The following GNPDA2 variants were observed in gnomAD, a reference collection of about 807,000 sequenced individuals.
GNPDA2 encodes glucosamine-6-phosphate deaminase 2, also known as glcN6P deaminase 2.
GNPDA2 carries 24 observed loss-of-function variants against 27.0 expected under a neutral mutation model. That is an observed-to-expected ratio of 0.89 (90% CI 0.64 to 1.25). The LOEUF (loss-of-function observed/expected upper bound fraction) is 1.25, where lower values mean the gene tolerates loss of function less well. Among genes scored for constraint, GNPDA2 ranks in the 50% most tolerant of loss-of-function variants. GNPDA2 has a pLI of 0.00. For missense variants in GNPDA2, 286 were observed against 335.1 expected (o/e 0.85, Z 1.14); for synonymous variants, 94 against 108.4 (o/e 0.87, Z 0.83).
intron 2 of GNPDA2, among the ~76,000 whole-genome samples, chr4:44,719,521 A>C (rs1295259192): frequency 1.3e-5 from 2 of 152,104 alleles, no homozygotes; most frequent in Non-Finnish European, 2.9e-5. Flanking sequence ...TTCAATTACA[A>C]TTATTAATTT....
intron 4 of GNPDA2, among the ~76,000 whole-genome samples, chr4:44,712,033 C>A (rs1219148241): frequency 6.6e-6 from 1 of 151,762 alleles, no homozygotes; most frequent in Non-Finnish European, 1.5e-5. Context: ...TTTAAAGAGA[C>A]CTAGTGCCAA....
At chr4:44,715,941 C>T (rs926732216) in intron 4 of GNPDA2, among the ~76,000 whole-genome samples, 7 of 151,806 alleles carry the variant, frequency 4.6e-5, no homozygotes, top group South Asian at 2.1e-4. Context: ...CAATTATTTC[C>T]GCATTTACAG....
At chr4:44,711,543 C>T (rs1716980850) in intron 4 of GNPDA2, among the ~76,000 whole-genome samples, 1 of 152,040 alleles carries the variant, frequency 6.6e-6, no homozygotes, top group South Asian at 2.1e-4. Flanking sequence ...AAATAAGTGA[C>T]TTGTTCAATG....
chr4:44,714,011 GC>G (rs1475815221), intron 4 of GNPDA2, among the ~76,000 whole-genome samples: 1 of 151,980 alleles, frequency 6.6e-6, no homozygotes, highest in African/African-American at 2.4e-5. Context: ...CACTCTTGTT[GC>G]CCAGGCTGGA....
At chr4:44,722,317 AAAT>A (rs1176661539) in intron 1 of GNPDA2, 75 bp from the exon 2 acceptor site, 1 of 1,111,812 alleles carries the variant, frequency 9.0e-7, no homozygotes, top group South Asian at 1.7e-5. Context: ...TAAAAGATGT[AAAT>A]AATAAATAGA....
intron 4 of GNPDA2, chr4:44,714,434 T>A (rs1015958271): frequency 2.0e-6 from 2 of 985,304 alleles, no homozygotes; most frequent in Middle Eastern, 5.2e-4. Context: ...CTTTCCCTCT[T>A]CCCTCAGAGG....
At chr4:44,716,775 A>G (rs1162713498) in intron 4 of GNPDA2, among the ~76,000 whole-genome samples, 1 of 151,908 alleles carries the variant, frequency 6.6e-6, no homozygotes, top group East Asian at 1.9e-4. Flanking sequence ...AATAGTAAAA[A>G]GAAGCTATCA....
At chr4:44,710,802 G>C (rs936351017) in intron 5 of GNPDA2, 151 bp downstream of exon 5, 11 of 571,796 alleles carry the variant, frequency 1.9e-5, no homozygotes, top group Admixed American at 3.8e-5. Flanking sequence ...ATGTCAATGA[G>C]ACTGACAAAA....
Position 44,703,708 on chromosome 4 carries a change from AG to A in GNPDA2, c.770-567del, listed in dbSNP as rs1716414899. ...TGTATTAAATCATTTAATTCAGAATAGAAATTACGATTTTAAATCCGGTAGA... is the reference window on the plus strand; with the variant it reads ...TGTATTAAATCATTTAATTCAGAATAAAATTACGATTTTAAATCCGGTAGA... On this transcript the variant is annotated intron_variant, in intron 6 of 6. Coordinates refer to ENST00000295448, the MANE Select transcript of GNPDA2 (RefSeq NM_138335.3). 3.1e-6 allele frequency: 3 copies of A among 982,932 alleles called. No homozygotes were observed. The Admixed American group carries it at 1.8e-4, about 61-fold the overall frequency. 60.9% of individuals were successfully genotyped at this position (982,932 alleles called of 1,614,324 possible). A position where few individuals can be genotyped will look rare whatever the true frequency, so the allele number is the denominator to read the frequency against.
rs995490070 is a variant in GNPDA2 at position 44,703,751 on chromosome 4, G to T, written c.770-609C>A. 3.0e-6 allele frequency: 3 copies of T among 984,334 alleles called. No homozygotes were observed. The African/African-American group carries it at 5.2e-5, about 17-fold the overall frequency. The allele number at this position is 984,334 out of a possible 1,614,324, so 61.0% of individuals were successfully genotyped here. A position where few individuals can be genotyped will look rare whatever the true frequency, so the allele number is the denominator to read the frequency against. On this transcript the variant is annotated intron_variant, in intron 6 of 6. Coordinates refer to ENST00000295448, the MANE Select transcript of GNPDA2 (RefSeq NM_138335.3). The stretch of plus-strand genomic sequence containing the variant: ...TCCGGTAGATTATAACTTTCATTTT[G>T]TAATTGGTACATATACTTGCAGACT...
At chr4:44,719,236 C>T (rs1717518667) in intron 2 of GNPDA2, among the ~76,000 whole-genome samples, 1 of 151,820 alleles carries the variant, frequency 6.6e-6, no homozygotes, top group African/African-American at 2.4e-5. Flanking sequence ...GTTATCTGGC[C>T]GTCCCAATCC....
chr4:44,723,811 G>T (rs891615598), intron 1 of GNPDA2, among the ~76,000 whole-genome samples: 17 of 152,114 alleles, frequency 1.1e-4, no homozygotes, highest in Non-Finnish European at 1.6e-4. Context: ...TGGGGTGGGA[G>T]TGGGCCCAAG....
At position 44,717,792 on chromosome 4, in the gene GNPDA2, A is replaced by G. The variant is rs375961552; in HGVS notation, c.227-497T>C. ...CACTTCTTTGGCTATCATTTATGCT[A>G]CCATTAAATACACATTTCTATATTT... On this transcript the variant is annotated intron_variant, in intron 3 of 6. Transcript: ENST00000295448. Among the ~76,000 whole-genome samples, 23 of 151,988 alleles carry G rather than the reference A, an allele frequency of 1.5e-4. No homozygotes were observed. The South Asian group carries it at 4.6e-3, about 30-fold the overall frequency.
chr4:44,710,621 T>C (rs1358156832), intron 5 of GNPDA2, among the ~76,000 whole-genome samples: 1 of 152,194 alleles, frequency 6.6e-6, no homozygotes, highest in Non-Finnish European at 1.5e-5. Context: ...CATTGCATCA[T>C]TGTCCCAACA....
intron 2 of GNPDA2, among the ~76,000 whole-genome samples, chr4:44,720,688 G>A (rs542162112): frequency 2.0e-5 from 3 of 152,246 alleles, no homozygotes; most frequent in African/African-American, 7.2e-5. Context: ...AGCAGTGGGG[G>A]AAGAGGACAT....
chr4:44,710,015 CATAAAAACTGT>C (rs1185055389), intron 5 of GNPDA2, among the ~76,000 whole-genome samples: 23 of 152,158 alleles, frequency 1.5e-4, no homozygotes, highest in African/African-American at 5.5e-4. Context: ...TAAAAATCAG[CATAAAAACTGT>C]ATTAAAACTT....
In GNPDA2 at chr4:44,717,164, C is replaced by T; in HGVS notation, c.358G>A (p.Ala120Thr). 2 of 1,609,976 alleles carry T rather than the reference C, an allele frequency of 1.2e-6. No individual in the cohort carries two copies. Among genetic ancestry groups the T allele is most frequent in the South Asian group, 1.1e-5 (1 of 89,920 alleles). Residue 120 changes from alanine to threonine, a missense_variant, in exon 4 of 7, where the codon GCT (alanine) becomes ACT (threonine). Ala to Thr is a moderately conservative substitution (Grantham distance 58). Transcript: ENST00000295448. ...NAADLQAECDAFENKIKEAGG... is the reference protein window; with the variant it reads ...NAADLQAECDTFENKIKEAGG... ...GCTTCTTTTATTTTGTTTTCAAAAG[C>T]ATCACATTCTGCTTGTAAATCTGCA...
intron 6 of GNPDA2, chr4:44,703,378 G>T: frequency 2.4e-6 from 3 of 1,252,104 alleles, no homozygotes; most frequent in Non-Finnish European, 3.0e-6. Flanking sequence ...ATGTGTACAG[G>T]TACTTTGGGA....
chr4:44,712,272 T>G lies in GNPDA2; in HGVS notation c.410-1135A>C, dbSNP rs1450703201. Among the ~76,000 whole-genome samples the G allele has an allele frequency of 3.3e-5, 5 of 152,154 alleles. No homozygotes were observed. In the East Asian group the frequency reaches 7.7e-4, roughly 23 times the overall value. On this transcript the variant is annotated intron_variant, in intron 4 of 6. Transcript: ENST00000295448. ...TAAAATATCTTTTACATTTATATTC[T>G]GCATATTTACTTTAATGATATCTGT...
Sources: gnomAD v4.1 joint callset for allele counts (sites outside exome capture counted in the v4.1 genomes callset) on GRCh38, gnomAD v4.1.1 for gene constraint, MANE v1.5 for transcripts, NCBI Gene and HGNC (gene_info 2026-07-23, HGNC 2026-07-21) for gene names.